The following MAGI2 variants were observed in gnomAD, a reference collection of about 807,000 sequenced individuals.
MAGI2 encodes membrane-associated guanylate kinase, WW and PDZ domain-containing protein 2.
A neutral mutation model predicts 133.3 loss-of-function variants in MAGI2; 35 were observed. That is an observed-to-expected ratio of 0.26 (90% CI 0.20 to 0.35). The LOEUF (loss-of-function observed/expected upper bound fraction) is 0.35, where lower values mean the gene tolerates loss of function less well. MAGI2 is among the 10% of genes least tolerant of loss of function. The pLI, the probability that MAGI2 is intolerant of heterozygous loss-of-function variation, is 1.00. For synonymous variants in MAGI2, 729 were observed against 710.6 expected (o/e 1.03, Z -0.41); for missense variants, 1,636 against 1,863.4 (o/e 0.88, Z 2.25).
intron 2 of MAGI2, among the ~76,000 whole-genome samples, chr7:78,734,485 C>T (rs1821662073): frequency 6.6e-6 from 1 of 152,122 alleles, no homozygotes; most frequent in African/African-American, 2.4e-5. Flanking sequence ...ATATTAATTG[C>T]ATTTATGGCC....
rs539626745 is a variant in MAGI2 at position 78,566,678 on chromosome 7, T to G, written c.539-45033A>C. On this transcript the variant is annotated intron_variant, in intron 3 of 21. Transcript: ENST00000354212. ...ATCAATATATAATACCATGAATACT[T>G]TCATTGTCCTAACACTTTATTGAGA... Among the ~76,000 whole-genome samples, 3 of 152,288 alleles carry G rather than the reference T, an allele frequency of 2.0e-5. No homozygotes were observed. In the South Asian group the frequency reaches 6.2e-4, roughly 32 times the overall value.
At chr7:78,881,934 A>G (rs1795871547) in intron 2 of MAGI2, among the ~76,000 whole-genome samples, 8 of 151,638 alleles carry the variant, frequency 5.3e-5, no homozygotes, top group Admixed American at 5.3e-4. Context: ...AGAGGAAAAG[A>G]AAAGAAAAAA....
chr7:79,264,021 TA>T (rs1480520488), intron 1 of MAGI2, among the ~76,000 whole-genome samples: 1 of 152,168 alleles, frequency 6.6e-6, no homozygotes, highest in African/African-American at 2.4e-5. Context: ...ATATGTGATT[TA>T]AAATTTTCAA....
intron 3 of MAGI2, among the ~76,000 whole-genome samples, chr7:78,531,362 C>T (rs1260407975): frequency 2.0e-5 from 3 of 151,854 alleles, no homozygotes; most frequent in Admixed American, 1.3e-4. Flanking sequence ...TACAGGCATG[C>T]ACCTCCACGT....
chr7:78,162,883 A>G (rs1026869175), intron 15 of MAGI2, among the ~76,000 whole-genome samples: 6 of 152,158 alleles, frequency 3.9e-5, no homozygotes, highest in Non-Finnish European at 7.3e-5. Flanking sequence ...TTTTCTACTC[A>G]TCTGGCTCTG....
chr7:79,305,102 G>T (rs1396628558), intron 1 of MAGI2, among the ~76,000 whole-genome samples: 1 of 152,198 alleles, frequency 6.6e-6, no homozygotes, highest in Non-Finnish European at 1.5e-5. Context: ...AGTGTTAAAT[G>T]ATAGAGACAA....
At chr7:78,464,096 A>G (rs1221640814) in intron 6 of MAGI2, among the ~76,000 whole-genome samples, 1 of 152,178 alleles carries the variant, frequency 6.6e-6, no homozygotes, top group African/African-American at 2.4e-5. Context: ...GCTAAATATC[A>G]TTATCATAAT....
intron 1 of MAGI2, among the ~76,000 whole-genome samples, chr7:79,329,786 T>C (rs568107119): frequency 7.9e-5 from 12 of 152,316 alleles, no homozygotes; most frequent in African/African-American, 2.9e-4. Context: ...AGGAGCACTA[T>C]ATCAAATATT....
At chr7:78,134,904 G>T (rs1202264526) in intron 17 of MAGI2, 117 bp downstream of exon 17, 4 of 825,542 alleles carry the variant, frequency 4.8e-6, no homozygotes, top group African/African-American at 1.7e-5. Context: ...CTGACACTCT[G>T]ACACCACAGT....
Position 78,719,582 on chromosome 7 carries a change from C to T in MAGI2, c.419-92343G>A, listed in dbSNP as rs965604707. ...ATTGGGGTTTATGCAGGATCTTGCA[C>T]GAAGAAAATAAGCAAGTTGCAACCC... On this transcript the variant is annotated intron_variant, in intron 2 of 21. Transcript: ENST00000354212. Among the ~76,000 whole-genome samples, 15 of 152,150 alleles carry T rather than the reference C, an allele frequency of 9.9e-5. 1 individual carries two copies. Among genetic ancestry groups the T allele is most frequent in the African/African-American group, 1.4e-4 (6 of 41,442 alleles).
chr7:78,597,011 G>A (rs981990367), intron 3 of MAGI2, among the ~76,000 whole-genome samples: 33 of 152,094 alleles, frequency 2.2e-4, no homozygotes, highest in Admixed American at 5.2e-4. Context: ...CCTCTCCCAC[G>A]TTTGGAAGTG....
At chr7:78,143,924 G>GTTT (rs374859888) in intron 16 of MAGI2, among the ~76,000 whole-genome samples, 1 of 137,756 alleles carries the variant, frequency 7.3e-6, no homozygotes, top group Admixed American at 7.2e-5. Flanking sequence ...AGTCCTATAA[G>GTTT]TTTTTTTTTT....
chr7:78,102,875 T>C (rs1034889675), intron 20 of MAGI2, among the ~76,000 whole-genome samples: 1 of 152,212 alleles, frequency 6.6e-6, no homozygotes, highest in Non-Finnish European at 1.5e-5. Context: ...TACGCAGCGT[T>C]CTGCTGATTT....
At chr7:79,002,021 T>C (rs546098891) in intron 2 of MAGI2, among the ~76,000 whole-genome samples, 6 of 152,336 alleles carry the variant, frequency 3.9e-5, no homozygotes, top group African/African-American at 1.2e-4. Flanking sequence ...TTTGTCTCAT[T>C]GTCATTTTCT....
intron 2 of MAGI2, among the ~76,000 whole-genome samples, chr7:79,006,386 CA>C (rs1383868972): frequency 1.3e-5 from 2 of 152,150 alleles, no homozygotes; most frequent in Non-Finnish European, 2.9e-5. Flanking sequence ...TTTTTGATAT[CA>C]ATCTAAGATC....
chr7:78,575,968 C>T lies in MAGI2; in HGVS notation c.538+51152G>A, dbSNP rs111584926. ...TTTATTAGTTACGACAAACATACCACACTAATGCAAGATAACAGAGAAAAT... is the reference window on the plus strand; with the variant it reads ...TTTATTAGTTACGACAAACATACCATACTAATGCAAGATAACAGAGAAAAT... On this transcript the variant is annotated intron_variant, in intron 3 of 21. Coordinates refer to ENST00000354212, the MANE Select transcript of MAGI2 (RefSeq NM_012301.4). Among the ~76,000 whole-genome samples the T allele has an allele frequency of 2.8e-4, 42 of 152,206 alleles. No individual in the cohort carries two copies. The South Asian group carries it at 4.1e-3, about 15-fold the overall frequency.
intron 2 of MAGI2, among the ~76,000 whole-genome samples, chr7:78,633,116 T>G (rs1179185079): frequency 1.3e-5 from 2 of 152,212 alleles, no homozygotes; most frequent in Non-Finnish European, 2.9e-5. Context: ...CTGGAGGCTA[T>G]TATCCTTAGC....
chr7:79,163,691 A>G (rs1209941566), intron 1 of MAGI2, among the ~76,000 whole-genome samples: 1 of 152,074 alleles, frequency 6.6e-6, no homozygotes, highest in Non-Finnish European at 1.5e-5. Context: ...TGATCAAAGA[A>G]TATAAGGATG....
chr7:78,626,127 T>C (rs1485365325), intron 3 of MAGI2, among the ~76,000 whole-genome samples: 1 of 152,194 alleles, frequency 6.6e-6, no homozygotes, highest in Non-Finnish European at 1.5e-5. Flanking sequence ...GTATATATCA[T>C]GAATTTTGTT....
Sources: allele counts gnomAD v4.1 joint callset (sites outside exome capture counted in the v4.1 genomes callset), GRCh38; gene constraint gnomAD v4.1.1; transcripts MANE v1.5; gene names NCBI Gene and HGNC (gene_info 2026-07-23, HGNC 2026-07-21).